DCC: variants seen among roughly 807,000 people sequenced by gnomAD.
DCC encodes DCC netrin 1 receptor, also known as netrin receptor DCC.
A neutral mutation model predicts 172.5 loss-of-function variants in DCC; 58 were observed. The observed-to-expected ratio is 0.34, with a 90% confidence interval of 0.27 to 0.42. The LOEUF is 0.42. Among genes scored for constraint, DCC ranks in the 10% least tolerant of loss-of-function variants. DCC has a pLI of 1.00. For synonymous variants in DCC, 709 were observed against 644.5 expected, an observed-to-expected ratio of 1.10 and a Z score of -1.52; for missense variants, 1,740 against 1,791.0, an observed-to-expected ratio of 0.97 and a Z score of 0.51.
intron 23 of DCC, among the ~76,000 whole-genome samples, chr18:53,453,117 G>A (rs1347428279): frequency 4.6e-5 from 7 of 152,012 alleles, no homozygotes; most frequent in Non-Finnish European, 7.4e-5. Context: ...GGGTTTCACC[G>A]TGTTAGCCAC....
At chr18:52,601,972 C>T (rs2034027067) in intron 1 of DCC, among the ~76,000 whole-genome samples, 1 of 152,076 alleles carries the variant, frequency 6.6e-6, no homozygotes, top group Non-Finnish European at 1.5e-5. Flanking sequence ...AGCTCTTGCT[C>T]TTCTGTGAAT....
intron 1 of DCC, among the ~76,000 whole-genome samples, chr18:52,460,868 G>A (rs967623256): frequency 7.2e-5 from 11 of 152,138 alleles, no homozygotes; most frequent in South Asian, 2.1e-4. Flanking sequence ...GAGTCAGTGA[G>A]TGGTAAATGA....
At chr18:52,528,498 G>A (rs959700792) in intron 1 of DCC, among the ~76,000 whole-genome samples, 1 of 152,108 alleles carries the variant, frequency 6.6e-6, no homozygotes, top group African/African-American at 2.4e-5. Context: ...AGAAGAGCAG[G>A]TACACTGTTA....
intron 1 of DCC, among the ~76,000 whole-genome samples, chr18:52,576,179 C>A (rs1044990211): frequency 6.6e-6 from 1 of 152,140 alleles, no homozygotes; most frequent in African/African-American, 2.4e-5. Context: ...ATCAAGTTTC[C>A]TTTGCTAGAC....
intron 1 of DCC, among the ~76,000 whole-genome samples, chr18:52,515,606 C>CAAAAAAAAAAAAA (rs58112743): frequency 0.038 from 386 of 10,290 alleles, 103 homozygotes; most frequent in Non-Finnish European, 0.074. Context: ...AACCCTGTCT[C>CAAAAAAAAAAAAA]AAAAAAAAAA....
At chr18:53,146,013 C>T (rs917677200) in intron 7 of DCC, among the ~76,000 whole-genome samples, 2 of 151,748 alleles carry the variant, frequency 1.3e-5, no homozygotes, top group African/African-American at 4.8e-5. Flanking sequence ...ATGGGTGGGT[C>T]ACTTGAGACC....
intron 1 of DCC, among the ~76,000 whole-genome samples, chr18:52,452,569 A>T (rs1696021015): frequency 6.6e-6 from 1 of 152,196 alleles, no homozygotes; most frequent in African/African-American, 2.4e-5. Flanking sequence ...TCTGGAGCAG[A>T]GCATCACTGT....
chr18:53,397,588 TTTA>T (rs1909035454), intron 18 of DCC, 142 bp downstream of exon 18: 1 of 880,398 alleles, frequency 1.1e-6, no homozygotes, highest in Admixed American at 2.2e-5. Flanking sequence ...TCATAGCACT[TTTA>T]TATCTAAGAG....
chr18:52,775,692 C>T (rs752356334), intron 2 of DCC, among the ~76,000 whole-genome samples: 11 of 152,176 alleles, frequency 7.2e-5, no homozygotes, highest in Non-Finnish European at 1.3e-4. Flanking sequence ...TCCCTCATGC[C>T]CTCTTGCCAT....
At chr18:53,353,935 C>T (rs549516491) in intron 15 of DCC, among the ~76,000 whole-genome samples, 2 of 152,224 alleles carry the variant, frequency 1.3e-5, no homozygotes, top group Admixed American at 6.5e-5. Context: ...ACGACAGGCC[C>T]CGGTGTGTGA....
At chr18:53,101,740 G>A (rs2043174619) in intron 7 of DCC, among the ~76,000 whole-genome samples, 1 of 152,016 alleles carries the variant, frequency 6.6e-6, no homozygotes, top group Non-Finnish European at 1.5e-5. Context: ...CTTTACTAGA[G>A]ATGCCATCAA....
chr18:52,454,242 G>A (rs347542), intron 1 of DCC, among the ~76,000 whole-genome samples: 105,760 of 152,032 alleles, frequency 0.7, 37,982 homozygotes, highest in African/African-American at 0.88. Context: ...AATTTTGCAA[G>A]ATCATTATGT....
chr18:52,481,542 T>G (rs1369205150), intron 1 of DCC, among the ~76,000 whole-genome samples: 1 of 152,054 alleles, frequency 6.6e-6, no homozygotes, highest in Non-Finnish European at 1.5e-5. Flanking sequence ...TAGACACAAC[T>G]TTCATCTTCT....
At chr18:53,081,367 A>C (rs1599107997) in intron 7 of DCC, among the ~76,000 whole-genome samples, 2 of 152,244 alleles carry the variant, frequency 1.3e-5, no homozygotes, top group Admixed American at 1.3e-4. Context: ...TCTTAAAAAA[A>C]TCTATCTTAT....
intron 1 of DCC, among the ~76,000 whole-genome samples, chr18:52,649,206 T>C (rs556901686): frequency 4.7e-4 from 72 of 152,166 alleles, no homozygotes; most frequent in African/African-American, 1.5e-3. Context: ...ACCCCGTCTC[T>C]ACTAAAAATA....
intron 2 of DCC, among the ~76,000 whole-genome samples, chr18:52,817,124 G>T (rs1342898260): frequency 6.6e-6 from 1 of 151,860 alleles, no homozygotes; most frequent in East Asian, 1.9e-4. Flanking sequence ...TATTACTTAA[G>T]ATAATAAAGA....
intron 1 of DCC, among the ~76,000 whole-genome samples, chr18:52,652,043 T>C (rs2035142370): frequency 6.6e-6 from 1 of 152,198 alleles, no homozygotes; most frequent in African/African-American, 2.4e-5. Flanking sequence ...TCCCATTGAC[T>C]CAAGGAAAGA....
intron 12 of DCC, among the ~76,000 whole-genome samples, chr18:53,260,225 G>C (rs1034104102): frequency 6.6e-6 from 1 of 152,092 alleles, no homozygotes; most frequent in Non-Finnish European, 1.5e-5. Context: ...TCTCCGTCCA[G>C]CTTTGTTTGG....
At chr18:52,506,349 CTA>C (rs1197568357) in intron 1 of DCC, among the ~76,000 whole-genome samples, 1 of 151,988 alleles carries the variant, frequency 6.6e-6, no homozygotes, top group Non-Finnish European at 1.5e-5. Flanking sequence ...TTTTTTAAAA[CTA>C]TTTAAGGTTG....
Sources: allele counts gnomAD v4.1 joint callset (sites outside exome capture counted in the v4.1 genomes callset), GRCh38; gene constraint gnomAD v4.1.1; transcripts MANE v1.5; gene names NCBI Gene and HGNC (gene_info 2026-07-23, HGNC 2026-07-21).